SYCP1: variants seen among roughly 807,000 people sequenced by gnomAD.
The protein encoded by SYCP1 is cancer/testis antigen 8.
In SYCP1, 64 loss-of-function variants were observed where a neutral mutation model predicts 153.1. That is an observed-to-expected ratio of 0.42 (90% confidence interval 0.34 to 0.51). SYCP1 has a LOEUF of 0.51. Among genes scored for constraint, SYCP1 ranks in the 20% least tolerant of loss-of-function variants. The pLI, the probability that SYCP1 is intolerant of heterozygous loss-of-function variation, is 0.06. For missense variants in SYCP1, 997 were observed against 1,049.0 expected (o/e 0.95, Z 0.68); for synonymous variants, 384 against 341.8 (o/e 1.12, Z -1.36).
Position 114,979,062 on chromosome 1 carries a change from T to C in SYCP1, c.2382+1446T>C, listed in dbSNP as rs115402121. On this transcript the variant is annotated intron_variant, in intron 28 of 31. Coordinates refer to ENST00000369522, the MANE Select transcript of SYCP1 (RefSeq NM_003176.4). ...CATATATTTTATCTGAGAGTCTAGA[T>C]ATATATGTTGGAAAATGAACCATAT... 6.6e-3 allele frequency among the ~76,000 whole-genome samples: 1,001 copies of C among 151,616 alleles called. 14 individuals carry two copies. The highest frequency in any genetic ancestry group is 0.023 in the African/African-American group (938 of 41,484).
intron 9 of SYCP1, among the ~76,000 whole-genome samples, chr1:114,875,172 ATATGTGTGTGTGTG>A (rs1228246360): frequency 8.1e-6 from 1 of 123,684 alleles, no homozygotes; most frequent in South Asian, 2.5e-4. Context: ...CATGTATTTG[ATATGTGTGTGTGTG>A]TGTGTGTGTG....
Position 114,855,446 on chromosome 1 carries a change from T to G in SYCP1, c.-19T>G. On this transcript the variant is annotated 5_prime_UTR_variant, in exon 2 of 32. Transcript: ENST00000369522. ...CCGCCCCCCCGGGGCAGTAGATATT[T>G]ACAACCGTAACAGAGAAAATGGAAA... The G allele has an allele frequency of 6.2e-7, 1 of 1,601,824 alleles. No individual in the cohort carries two copies. The highest frequency in any genetic ancestry group is 8.5e-7 in the Non-Finnish European group (1 of 1,172,988).
chr1:114,927,274 G>A (rs1287727423), intron 23 of SYCP1, among the ~76,000 whole-genome samples: 1 of 151,996 alleles, frequency 6.6e-6, no homozygotes, highest in Non-Finnish European at 1.5e-5. Context: ...TTATAATTCA[G>A]CTCTTCTACT....
chr1:114,934,713 A>G (rs1043828579), intron 23 of SYCP1, among the ~76,000 whole-genome samples: 8 of 152,322 alleles, frequency 5.3e-5, no homozygotes, highest in African/African-American at 1.9e-4. Flanking sequence ...GTGGAGAAAG[A>G]TCTACCAAGC....
chr1:114,876,060 A>G lies in SYCP1; in HGVS notation c.658-9A>G, dbSNP rs764247854. 1.9e-6 allele frequency: 3 copies of G among 1,539,280 alleles called. No individual in the cohort carries two copies. Among genetic ancestry groups the G allele is most frequent in the Admixed American group, 2.1e-5 (1 of 48,602 alleles). On this transcript the variant is annotated splice_polypyrimidine_tract_variant and intron_variant, in intron 9 of 31. Transcript: ENST00000369522. ...ATTTAAGTATGATTCTTAAAACTTT[A>G]TATTTCAGAAAATGATAACAGCTTT...
At chr1:114,906,497 G>C (rs978543943) in intron 16 of SYCP1, among the ~76,000 whole-genome samples, 2 of 151,910 alleles carry the variant, frequency 1.3e-5, no homozygotes, top group Non-Finnish European at 2.9e-5. Context: ...GTAAGCATTT[G>C]CATGCTATAA....
intron 30 of SYCP1, among the ~76,000 whole-genome samples, chr1:114,991,894 T>C (rs1476217949): frequency 2.6e-5 from 4 of 151,914 alleles, no homozygotes; most frequent in Non-Finnish European, 5.9e-5. Context: ...ATCTTATGCA[T>C]AGAAAATTGC....
intron 27 of SYCP1, among the ~76,000 whole-genome samples, chr1:114,967,903 T>A (rs1672240420): frequency 6.6e-6 from 1 of 152,210 alleles, no homozygotes; most frequent in East Asian, 1.9e-4. Context: ...TTAGCATTGC[T>A]TGTCTGTAAA....
In SYCP1 at chr1:114,966,193, C is replaced by G. The variant is rs1206652573; in HGVS notation, c.2323-11364C>G. 2.0e-5 allele frequency among the ~76,000 whole-genome samples: 3 copies of G among 152,022 alleles called. No individual in the cohort carries two copies. The East Asian group carries it at 5.8e-4, about 29-fold the overall frequency. ...TTCTGTGGGATCAGTGGTGATATCC[C>G]CTTTATCATTTTTTATTGTGTCTAT... On this transcript the variant is annotated intron_variant, in intron 27 of 31. Transcript: ENST00000369522.
intron 12 of SYCP1, among the ~76,000 whole-genome samples, chr1:114,882,626 A>G (rs1472455257): frequency 6.6e-6 from 1 of 151,274 alleles, no homozygotes; most frequent in Non-Finnish European, 1.5e-5. Context: ...TAGTCAAAGT[A>G]CCTTGTTTGC....
intron 11 of SYCP1, among the ~76,000 whole-genome samples, chr1:114,877,561 G>T (rs1413393188): frequency 6.6e-6 from 1 of 152,190 alleles, no homozygotes; most frequent in Admixed American, 6.5e-5. Context: ...CACAAAAATA[G>T]AGTGAAGTAC....
At chr1:114,903,629 C>T (rs1037046023) in intron 16 of SYCP1, among the ~76,000 whole-genome samples, 1 of 152,134 alleles carries the variant, frequency 6.6e-6, no homozygotes, top group Non-Finnish European at 1.5e-5. Flanking sequence ...AGGGATGGGA[C>T]ACTCCAGATG....
intron 15 of SYCP1, among the ~76,000 whole-genome samples, chr1:114,890,535 T>A (rs760551576): frequency 3.9e-5 from 6 of 152,078 alleles, no homozygotes; most frequent in Non-Finnish European, 7.4e-5. Context: ...AAGATAGCAA[T>A]GTGTACTGCA....
intron 30 of SYCP1, among the ~76,000 whole-genome samples, chr1:114,987,825 G>C (rs1178328394): frequency 2.0e-5 from 3 of 151,746 alleles, no homozygotes; most frequent in Non-Finnish European, 4.4e-5. Flanking sequence ...CAAAACAGCT[G>C]TCTTAAAGTA....
intron 11 of SYCP1, 30 bp downstream of exon 11, chr1:114,876,840 T>C: frequency 8.1e-7 from 1 of 1,241,618 alleles, no homozygotes; most frequent in Non-Finnish European, 1.1e-6. Flanking sequence ...CTTTGTATTC[T>C]TTATATTTGC....
intron 30 of SYCP1, among the ~76,000 whole-genome samples, chr1:114,987,073 T>TATC (rs1673563076): frequency 6.6e-6 from 1 of 151,826 alleles, no homozygotes; most frequent in Non-Finnish European, 1.5e-5. Flanking sequence ...GAAGCACATC[T>TATC]ATCTTTTTTT....
intron 18 of SYCP1, 91 bp downstream of exon 18, chr1:114,911,673 T>A: frequency 1.9e-6 from 1 of 531,372 alleles, no homozygotes; most frequent in Non-Finnish European, 2.8e-6. Flanking sequence ...ATATTTAATA[T>A]TTATTTGAAT....
At chr1:114,858,420 C>A in intron 5 of SYCP1, 127 bp from the exon 6 acceptor site, 1 of 666,578 alleles carries the variant, frequency 1.5e-6, no homozygotes, top group Non-Finnish European at 2.4e-6. Flanking sequence ...TTTCAGTATG[C>A]TATTAGTGCT....
chr1:114,916,221 C>T (rs907702711), intron 20 of SYCP1, among the ~76,000 whole-genome samples: 2 of 152,088 alleles, frequency 1.3e-5, no homozygotes, highest in Admixed American at 1.3e-4. Flanking sequence ...TGCCCATCTA[C>T]CAGTCATTCA....
Sources: allele counts gnomAD v4.1 joint callset (sites outside exome capture counted in the v4.1 genomes callset), GRCh38; gene constraint gnomAD v4.1.1; transcripts MANE v1.5; gene names NCBI Gene and HGNC (gene_info 2026-07-23, HGNC 2026-07-21).